SLC38A4: variants seen among roughly 807,000 people sequenced by gnomAD.
SLC38A4 encodes solute carrier family 38 member 4.
SLC38A4 carries 20 observed loss-of-function variants against 63.1 expected under a neutral mutation model. The observed-to-expected ratio is 0.32, with a 90% CI of 0.22 to 0.46. The LOEUF (loss-of-function observed/expected upper bound fraction) is 0.46. Ranked by LOEUF, SLC38A4 falls within the 20% of genes least tolerant of loss-of-function variation. The pLI is 1.00. For missense variants in SLC38A4, 526 were observed against 663.6 expected (o/e 0.79, Z 2.28); for synonymous variants, 230 against 225.5 (o/e 1.02, Z -0.18).
intron 2 of SLC38A4, among the ~76,000 whole-genome samples, chr12:46,800,669 T>C (rs1939114071): frequency 6.6e-6 from 1 of 152,106 alleles, no homozygotes; most frequent in Admixed American, 6.6e-5. Context: ...ACTTCTTACT[T>C]ACTCTTTTAG....
chr12:46,779,990 A>C lies in SLC38A4; in HGVS notation c.534T>G (p.Pro178=), dbSNP rs1938607435. Reference sequence around the variant, plus strand: ...GTCCCATGAATGCTCTGATTACTTCAGGTAGTTCATATTTAATGATAAAGA... The same window carrying C: ...GTCCCATGAATGCTCTGATTACTTCCGGTAGTTCATATTTAATGATAAAGA... The part of the protein sequence containing the change: ...SYLFIIKYEL[P]EVIRAFMGLE... Residue 178 remains proline (P), a synonymous_variant, in exon 8 of 17, where the codon CCT becomes CCG. Coordinates refer to ENST00000266579, the MANE Select transcript of SLC38A4 (RefSeq NM_018018.5). 1 of 1,612,502 alleles carries C rather than the reference A, an allele frequency of 6.2e-7. No individual in the cohort carries two copies. Among genetic ancestry groups the C allele is most frequent in the Non-Finnish European group, 8.5e-7 (1 of 1,178,972 alleles).
chr12:46,804,432 A>G (rs1054224948), intron 1 of SLC38A4, among the ~76,000 whole-genome samples: 8 of 152,070 alleles, frequency 5.3e-5, no homozygotes, highest in South Asian at 2.1e-4. Context: ...AAATGTATCA[A>G]CTAGAAACTA....
chr12:46,788,341 T>C (rs1329254156), intron 4 of SLC38A4, among the ~76,000 whole-genome samples, 187 bp downstream of exon 4: 1 of 152,178 alleles, frequency 6.6e-6, no homozygotes, highest in Non-Finnish European at 1.5e-5. Context: ...ATAAGTTTCA[T>C]AAATGATTCA....
intron 11 of SLC38A4, 59 bp from the exon 12 acceptor site, chr12:46,778,427 C>G: frequency 6.2e-7 from 1 of 1,610,366 alleles, no homozygotes; most frequent in Non-Finnish European, 8.5e-7. Context: ...TGATCTCAGG[C>G]CATCTCAGTT....
At chr12:46,774,875 C>T (rs1462359277) in intron 14 of SLC38A4, among the ~76,000 whole-genome samples, 174 bp downstream of exon 14, 1 of 150,780 alleles carries the variant, frequency 6.6e-6, no homozygotes, top group African/African-American at 2.4e-5. Flanking sequence ...ACTACTTGCT[C>T]TATCTACACA....
intron 1 of SLC38A4, among the ~76,000 whole-genome samples, chr12:46,811,603 GT>G (rs1939341446): frequency 6.6e-6 from 1 of 151,988 alleles, no homozygotes; most frequent in Admixed American, 6.6e-5. Context: ...CATTAAAAAA[GT>G]CCAGCTCAGC....
At chr12:46,786,871 T>C (rs1938772205) in intron 5 of SLC38A4, among the ~76,000 whole-genome samples, 1 of 152,188 alleles carries the variant, frequency 6.6e-6, no homozygotes, top group African/African-American at 2.4e-5. Flanking sequence ...AGCACATATT[T>C]GTGATATAAA....
chr12:46,792,881 T>C, intron 3 of SLC38A4, 72 bp downstream of exon 3: 1 of 1,101,292 alleles, frequency 9.1e-7, no homozygotes, highest in Non-Finnish European at 1.4e-6. Context: ...GTTCTTCCCA[T>C]CAAGACCCTG....
At chr12:46,773,983 C>A (rs1938473575) in intron 14 of SLC38A4, among the ~76,000 whole-genome samples, 1 of 151,968 alleles carries the variant, frequency 6.6e-6, no homozygotes, top group Admixed American at 6.6e-5. Context: ...CTATCGTATA[C>A]CTTCTGTTTA....
chr12:46,794,688 T>C (rs1938963920), intron 2 of SLC38A4, among the ~76,000 whole-genome samples: 1 of 150,452 alleles, frequency 6.6e-6, no homozygotes, highest in Admixed American at 6.6e-5. Flanking sequence ...AAATAAGAAG[T>C]TAAGAGGAAT....
chr12:46,781,553 G>A (rs939130523), intron 7 of SLC38A4, among the ~76,000 whole-genome samples: 21 of 151,986 alleles, frequency 1.4e-4, no homozygotes, highest in Admixed American at 2.6e-4. Flanking sequence ...TAATTTTTTA[G>A]GGGATTGAGA....
At chr12:46,806,270 C>T (rs1016559769) in intron 1 of SLC38A4, among the ~76,000 whole-genome samples, 1 of 151,948 alleles carries the variant, frequency 6.6e-6, no homozygotes, top group East Asian at 1.9e-4. Context: ...CCAGTAGAGA[C>T]CTTCTGGAGC....
At chr12:46,782,366 T>C (rs534701293) in intron 7 of SLC38A4, among the ~76,000 whole-genome samples, 2 of 152,096 alleles carry the variant, frequency 1.3e-5, no homozygotes, top group East Asian at 1.9e-4. Flanking sequence ...ATTTGTGTAA[T>C]GGAAACCTCA....
At chr12:46,815,176 T>C (rs1032999575) in intron 1 of SLC38A4, among the ~76,000 whole-genome samples, 8 of 149,542 alleles carry the variant, frequency 5.3e-5, no homozygotes, top group African/African-American at 2.0e-4. Context: ...GTATATGAGA[T>C]AGTATACTGT....
chr12:46,781,042 C>T (rs1256644932), intron 7 of SLC38A4, among the ~76,000 whole-genome samples: 1 of 152,008 alleles, frequency 6.6e-6, no homozygotes, highest in Non-Finnish European at 1.5e-5. Context: ...TTCTTCACTT[C>T]ATATGAAAGT....
intron 5 of SLC38A4, among the ~76,000 whole-genome samples, chr12:46,787,296 A>G (rs1938783268): frequency 6.6e-6 from 1 of 152,190 alleles, no homozygotes; most frequent in Admixed American, 6.5e-5. Context: ...ATATTAACCA[A>G]ATGAATCAGA....
At position 46,766,660 on chromosome 12, in the gene SLC38A4, G is replaced by T; in HGVS notation, c.*41C>A. 1 of 1,261,934 alleles carries T rather than the reference G, an allele frequency of 7.9e-7. No individual in the cohort carries two copies. Among genetic ancestry groups the T allele is most frequent in the Non-Finnish European group, 1.2e-6 (1 of 867,952 alleles). The allele number at this position is 1,261,934 out of a possible 1,614,324, so 78.2% of individuals were successfully genotyped here. A position where few individuals can be genotyped will look rare whatever the true frequency, so the allele number is the denominator to read the frequency against. On this transcript the variant is annotated 3_prime_UTR_variant, in exon 17 of 17. Coordinates refer to ENST00000266579, the MANE Select transcript of SLC38A4 (RefSeq NM_018018.5). Reference sequence around the variant, plus strand: ...TCAAATATCTTTTGGAGTATAACTTGTAACCATTTCCAATAGAAAAAGAAA... The same window carrying T: ...TCAAATATCTTTTGGAGTATAACTTTTAACCATTTCCAATAGAAAAAGAAA...
At chr12:46,794,581 A>T (rs942255740) in intron 2 of SLC38A4, among the ~76,000 whole-genome samples, 5 of 151,952 alleles carry the variant, frequency 3.3e-5, no homozygotes, top group Admixed American at 6.6e-5. Flanking sequence ...ATTGAAATTT[A>T]AAAAAACTCA....
chr12:46,767,495 C>G (rs556894877), intron 16 of SLC38A4, among the ~76,000 whole-genome samples: 1 of 152,008 alleles, frequency 6.6e-6, no homozygotes, highest in South Asian at 2.1e-4. Flanking sequence ...AAGTAATTTG[C>G]CAAGGTCACA....
Sources: allele counts gnomAD v4.1 joint callset (sites outside exome capture counted in the v4.1 genomes callset), GRCh38; gene constraint gnomAD v4.1.1; transcripts MANE v1.5; gene names NCBI Gene and HGNC (gene_info 2026-07-23, HGNC 2026-07-21).